Variants in PRAMEF26 observed in about 807,000 individuals in gnomAD.
PRAMEF26 encodes PRAME family member 26, also known as PRAME family member 25.
In PRAMEF26 at chr1:13,155,770, G is replaced by T. The variant is rs1271405709; in HGVS notation, c.-17+114C>A. 3 of 101,152 alleles carry T rather than the reference G, an allele frequency of 3.0e-5. No homozygotes were observed. In the South Asian group the frequency reaches 9.5e-4, roughly 32 times the overall value. The allele number at this position is 101,152 out of a possible 1,614,324, so 6.3% of individuals were successfully genotyped here. A position where few individuals can be genotyped will look rare whatever the true frequency, so the allele number is the denominator to read the frequency against. On this transcript the variant is annotated intron_variant, in intron 1 of 3. Transcript: ENST00000624207. ...ATTCAAAGCTTCAAATTGTTCATAT[G>T]AAAAAAAAAAGGACAGGATATAGCT...
intron 3 of PRAMEF26, chr1:13,150,526 T>C (rs1292061574): frequency 5.7e-5 from 3 of 52,948 alleles, no homozygotes; most frequent in Admixed American, 2.5e-4. Context: ...AAACCATCTA[T>C]CACTTTCACC....
intron 3 of PRAMEF26, chr1:13,150,525 A>G (rs1642971125): frequency 3.8e-5 from 2 of 52,994 alleles, no homozygotes; most frequent in Admixed American, 5.0e-4. Flanking sequence ...CAAACCATCT[A>G]TCACTTTCAC....
intron 1 of PRAMEF26, chr1:13,154,900 A>AAGATT (rs1642989429): frequency 2.7e-5 from 1 of 36,828 alleles, no homozygotes; most frequent in Non-Finnish European, 5.8e-5. Flanking sequence ...CTGTTACCTC[A>AAGATT]GCCTCCAAGA....
intron 1 of PRAMEF26, chr1:13,155,195 T>G (rs1642993520): frequency 6.9e-6 from 1 of 145,274 alleles, no homozygotes; most frequent in Non-Finnish European, 1.5e-5. Flanking sequence ...TACAGATGCA[T>G]GCCACCATGC....
chr1:13,155,428 G>A, intron 1 of PRAMEF26: 1 of 98,632 alleles, frequency 1.0e-5, no homozygotes, highest in East Asian at 2.8e-4. Flanking sequence ...GGAGACTGAT[G>A]CATGAGAATT....
chr1:13,155,660 C>T lies in PRAMEF26; in HGVS notation c.-17+224G>A, dbSNP rs1265478044. ...TTGGGGTTAAAGGCATGAGTCACTG[C>T]TCCCTTCAAGAATTTTGAAATGACC... On this transcript the variant is annotated intron_variant, in intron 1 of 3. Transcript: ENST00000624207. 2.3e-5 allele frequency: 2 copies of T among 86,390 alleles called. 1 individual carries two copies. The highest frequency in any genetic ancestry group is 2.2e-4 in the Admixed American group (2 of 9,208). 5.4% of individuals were successfully genotyped at this position (86,390 alleles called of 1,614,324 possible).
At chr1:13,155,286 A>C in intron 1 of PRAMEF26, 1 of 138,890 alleles carries the variant, frequency 7.2e-6, no homozygotes, top group Admixed American at 7.3e-5. Context: ...TGGGAGGCCA[A>C]GGCAGGTGGA....
At chr1:13,155,270 G>A (rs1464859906) in intron 1 of PRAMEF26, 3 of 140,344 alleles carry the variant, frequency 2.1e-5, no homozygotes, top group Non-Finnish European at 4.7e-5. Flanking sequence ...TCTAATCCCA[G>A]CATTTTGGGA....
At chr1:13,150,235 C>G (rs2100334892) in intron 3 of PRAMEF26, 1 of 189,066 alleles carries the variant, frequency 5.3e-6, no homozygotes, top group East Asian at 1.4e-4. Context: ...TGCCACTACA[C>G]TCCAGCCTGG....
intron 1 of PRAMEF26, chr1:13,155,208 A>T: frequency 6.9e-6 from 1 of 145,292 alleles, no homozygotes. Flanking sequence ...CACCATGCCC[A>T]GCTAATTAAA....
chr1:13,150,302 G>C (rs1553179210), intron 3 of PRAMEF26: 19 of 178,842 alleles, frequency 1.1e-4, no homozygotes, highest in Middle Eastern at 2.3e-3. Flanking sequence ...AATTCCATTT[G>C]AGGCTGAGTC....
At chr1:13,155,213 A>G (rs1185947009) in intron 1 of PRAMEF26, 2 of 144,690 alleles carry the variant, frequency 1.4e-5, no homozygotes, top group African/African-American at 5.0e-5. Context: ...TGCCCAGCTA[A>G]TTAAAAAAAA....
At chr1:13,155,803 A>G (rs1408639549) in intron 1 of PRAMEF26, 81 bp downstream of exon 1, 1 of 100,630 alleles carries the variant, frequency 9.9e-6, no homozygotes, top group Non-Finnish European at 1.8e-5. Flanking sequence ...GCTCTGTGCC[A>G]TCGTAGGCTG....
rs1273920815 is a variant in PRAMEF26 at position 13,150,250 on chromosome 1, C to T, written c.876-452G>A. 7.1e-3 allele frequency: 1,362 copies of T among 190,670 alleles called. 26 individuals are homozygous for T. The highest frequency in any genetic ancestry group is 0.01 in the Non-Finnish European group (952 of 93,414). The allele number at this position is 190,670 out of a possible 1,614,324, so 11.8% of individuals were successfully genotyped here. ...TGCCACTACACTCCAGCCTGGGTGA[C>T]AGAGAGAGACTCTGTATTAAAAAAA... On this transcript the variant is annotated intron_variant, in intron 3 of 3. Transcript: ENST00000624207.
intron 1 of PRAMEF26, 109 bp downstream of exon 1, chr1:13,155,775 A>G (rs1181611862): frequency 1.9e-5 from 2 of 103,170 alleles, no homozygotes; most frequent in Non-Finnish European, 3.6e-5. Context: ...CATATGAAAA[A>G]AAAAAGGACA....
intron 1 of PRAMEF26, chr1:13,155,142 G>A (rs1314802405): frequency 7.1e-6 from 1 of 141,588 alleles, no homozygotes; most frequent in African/African-American, 2.5e-5. Flanking sequence ...AATCTTCTGG[G>A]CTAAAGTGAT....
intron 3 of PRAMEF26, chr1:13,150,272 A>G (rs1414416374): frequency 5.1e-6 from 1 of 197,984 alleles, no homozygotes; most frequent in Non-Finnish European, 1.0e-5. Context: ...CTGTATTAAA[A>G]AAAAAAAAGG....
chr1:13,155,756 C>T (rs1643000412), intron 1 of PRAMEF26, 128 bp downstream of exon 1: 1 of 100,890 alleles, frequency 9.9e-6, no homozygotes, highest in Non-Finnish European at 1.8e-5. Context: ...TTCAAAGCTT[C>T]AAATTGTTCA....
intron 3 of PRAMEF26, chr1:13,150,619 C>T (rs1553179127): frequency 0.033 from 200 of 5,982 alleles, no homozygotes; most frequent in African/African-American, 0.079. Context: ...TCAAAAGAAA[C>T]TTTTACAACA....
Sources: gnomAD v4.1 joint callset for allele counts on GRCh38, gnomAD v4.1.1 for gene constraint, MANE v1.5 for transcripts, NCBI Gene and HGNC (gene_info 2026-07-23, HGNC 2026-07-21) for gene names.